CD86: variants seen among roughly 807,000 people sequenced by gnomAD.
CD86 encodes CD86 molecule.
CD86 carries 11 observed loss-of-function variants against 32.1 expected under a neutral mutation model. That is an observed-to-expected ratio of 0.34 (90% CI 0.22 to 0.57). CD86 has a LOEUF of 0.57. Among genes scored for constraint, CD86 ranks in the 20% least tolerant of loss-of-function variants. The pLI is 0.86. For synonymous variants in CD86, 137 were observed against 135.3 expected (o/e 1.01, Z -0.09); for missense variants, 359 against 398.4 (o/e 0.90, Z 0.84).
intron 6 of CD86, among the ~76,000 whole-genome samples, chr3:122,118,631 T>C (rs1316823333): frequency 1.3e-5 from 2 of 152,200 alleles, no homozygotes; most frequent in Non-Finnish European, 2.9e-5. Flanking sequence ...GTCATGTGGA[T>C]CCCTTGGCTT....
chr3:122,100,369 C>A (rs1475890599), intron 2 of CD86, among the ~76,000 whole-genome samples: 2 of 152,112 alleles, frequency 1.3e-5, no homozygotes, highest in African/African-American at 2.4e-5. Flanking sequence ...TGGGTGAAGC[C>A]AGATTTCACT....
intron 1 of CD86, among the ~76,000 whole-genome samples, chr3:122,084,777 G>C (rs1400166851): frequency 6.6e-6 from 1 of 152,172 alleles, no homozygotes; most frequent in African/African-American, 2.4e-5. Context: ...AATATCCCTT[G>C]TACTGTATTC....
At chr3:122,062,427 C>T (rs573874977) in intron 1 of CD86, among the ~76,000 whole-genome samples, 3 of 152,228 alleles carry the variant, frequency 2.0e-5, no homozygotes, top group African/African-American at 7.2e-5. Flanking sequence ...TTGTTCCAGG[C>T]ACTGTGCTAA....
At chr3:122,060,954 G>C (rs2072324530) in intron 1 of CD86, among the ~76,000 whole-genome samples, 1 of 152,132 alleles carries the variant, frequency 6.6e-6, no homozygotes, top group Non-Finnish European at 1.5e-5. Flanking sequence ...TTAGAGTTTG[G>C]AATAGAGAAG....
chr3:122,074,034 A>C (rs1425088259), intron 1 of CD86, among the ~76,000 whole-genome samples: 1 of 152,186 alleles, frequency 6.6e-6, no homozygotes, highest in Admixed American at 6.5e-5. Flanking sequence ...TCAAGTCCCT[A>C]GTCTGTCCTG....
intron 1 of CD86, among the ~76,000 whole-genome samples, chr3:122,073,523 T>C (rs1001455022): frequency 1.3e-5 from 2 of 152,058 alleles, no homozygotes; most frequent in Non-Finnish European, 2.9e-5. Flanking sequence ...GGAGGAAGGG[T>C]TTTAAAAATA....
rs1490524553 is a variant in CD86 at position 122,119,364 on chromosome 3, C to CT, written c.894-73dup. ...TTCCAATGGCAACCTCTATTCTGCCCTATCATTGAAATCTAGAAAAAGAAA... is the reference window on the plus strand; with the variant it reads ...TTCCAATGGCAACCTCTATTCTGCCCTTATCATTGAAATCTAGAAAAAGAAA... On this transcript the variant is annotated intron_variant, in intron 6 of 6. Transcript: ENST00000330540. The CT allele has an allele frequency of 1.5e-5, 13 of 839,064 alleles. No individual in the cohort carries two copies. In the East Asian group the frequency reaches 3.2e-4, roughly 21 times the overall value. The allele number at this position is 839,064 out of a possible 1,614,324, so 52.0% of individuals were successfully genotyped here.
chr3:122,091,606 T>A lies in CD86; in HGVS notation c.20T>A (p.Met7Lys). 6.2e-7 allele frequency: 1 copy of A among 1,611,466 alleles called. No individual in the cohort carries two copies. The highest frequency in any genetic ancestry group is 8.5e-7 in the Non-Finnish European group (1 of 1,177,754). The change falls in exon 2 of 7, where the codon ATG becomes AAG. Residue 7 changes from methionine to lysine, a missense_variant. By Grantham distance (95) the Met-to-Lys change is moderately conservative. Coordinates refer to ENST00000330540, the MANE Select transcript of CD86 (RefSeq NM_175862.5). Reference sequence around the variant, plus strand: ...TTTTTTTTTCTCGACTCTAGCACTATGGGACTGAGTAACATTCTCTTTGTG... The same window carrying A: ...TTTTTTTTTCTCGACTCTAGCACTAAGGGACTGAGTAACATTCTCTTTGTG... MDPQCT[M>K]GLSNILFVMA...
intron 1 of CD86, among the ~76,000 whole-genome samples, chr3:122,085,612 A>G (rs2072703785): frequency 2.0e-5 from 3 of 151,996 alleles, no homozygotes; most frequent in Admixed American, 2.0e-4. Flanking sequence ...AACTAAGAAG[A>G]GGTATCTTTG....
chr3:122,115,892 T>A (rs2073243176), intron 5 of CD86, among the ~76,000 whole-genome samples: 1 of 151,976 alleles, frequency 6.6e-6, no homozygotes, highest in Non-Finnish European at 1.5e-5. Flanking sequence ...CAAAAATAGA[T>A]TCACACTGTT....
At chr3:122,090,653 A>T (rs2072801477) in intron 1 of CD86, among the ~76,000 whole-genome samples, 2 of 152,204 alleles carry the variant, frequency 1.3e-5, no homozygotes, top group African/African-American at 4.8e-5. Flanking sequence ...AATGTGCCTG[A>T]TCGCATCTAA....
In CD86 at chr3:122,070,265, A is replaced by G. The variant is rs556698231; in HGVS notation, c.14+14762A>G. Among the ~76,000 whole-genome samples the G allele has an allele frequency of 8.5e-5, 13 of 152,286 alleles. No individual in the cohort carries two copies. In the South Asian group the frequency reaches 2.7e-3, roughly 32 times the overall value. On this transcript the variant is annotated intron_variant, in intron 1 of 6. Coordinates refer to ENST00000330540, the MANE Select transcript of CD86 (RefSeq NM_175862.5). ...TCAGAAATTGATCGAATGCAAGAAA[A>G]CAATACACATTGCCTCTTCCTTAGC...
At chr3:122,070,890 G>A (rs550804655) in intron 1 of CD86, among the ~76,000 whole-genome samples, 10 of 152,192 alleles carry the variant, frequency 6.6e-5, no homozygotes, top group Admixed American at 1.3e-4. Context: ...CCTCTAAAAT[G>A]TCACATTATT....
At chr3:122,078,471 T>G (rs2072585408) in intron 1 of CD86, among the ~76,000 whole-genome samples, 1 of 152,166 alleles carries the variant, frequency 6.6e-6, no homozygotes, top group South Asian at 2.1e-4. Flanking sequence ...TTCCTCCTCT[T>G]GCAGCCTCTC....
At chr3:122,103,303 C>G (rs2073039014) in intron 2 of CD86, among the ~76,000 whole-genome samples, 1 of 152,134 alleles carries the variant, frequency 6.6e-6, no homozygotes, top group Non-Finnish European at 1.5e-5. Context: ...GCAGTTTGTA[C>G]AAGGCCACAC....
rs747409361 is a variant in CD86 at position 122,106,392 on chromosome 3, G to A, written c.595G>A (p.Val199Ile). The change falls in exon 4 of 7, where the codon GTT (valine) becomes ATT (isoleucine). Residue 199 changes from valine to isoleucine, a missense_variant. Physicochemically the swap from Val to Ile is conservative, Grantham distance 29. Transcript: ENST00000330540. The part of the protein sequence containing the change: ...SQDNVTELYD[V>I]SISLSVSFPD... ...AGATAATGTCACAGAACTGTACGAC[G>A]TTTCCATCAGCTTGTCTGTTTCATT... 1.5e-5 allele frequency: 25 copies of A among 1,613,868 alleles called. No individual in the cohort carries two copies. The highest frequency in any genetic ancestry group is 6.7e-5 in the Admixed American group (4 of 60,006).
At chr3:122,058,750 A>G (rs1004692899) in intron 1 of CD86, among the ~76,000 whole-genome samples, 1 of 152,086 alleles carries the variant, frequency 6.6e-6, no homozygotes, top group Non-Finnish European at 1.5e-5. Context: ...ACATGATAAA[A>G]TTTACTTTAA....
Position 122,109,351 on chromosome 3 carries a change from T to A in CD86, c.790T>A (p.Cys264Ser). The A allele has an allele frequency of 1.2e-6, 2 of 1,614,156 alleles. No individual in the cohort carries two copies. The highest frequency in any genetic ancestry group is 1.7e-6 in the Non-Finnish European group (2 of 1,179,996). Residue 264 changes from cysteine to serine, a missense_variant, in exon 5 of 7, where the codon TGT (cysteine) becomes AGT (serine). By Grantham distance (112) the Cys-to-Ser change is moderately radical. Transcript: ENST00000330540. ...PTVIICVMVF[C>S]LILWKWKKKK... ...AGTTATTATATGTGTGATGGTTTTCTGTCTAATTCTATGGAAATGGAAGAA... is the reference window on the plus strand; with the variant it reads ...AGTTATTATATGTGTGATGGTTTTCAGTCTAATTCTATGGAAATGGAAGAA...
At chr3:122,057,944 G>C (rs1241682429) in intron 1 of CD86, among the ~76,000 whole-genome samples, 1 of 152,176 alleles carries the variant, frequency 6.6e-6, no homozygotes, top group Non-Finnish European at 1.5e-5. Context: ...AGGCTGCTGG[G>C]GTTTGAATAC....
Sources: allele counts gnomAD v4.1 joint callset (sites outside exome capture counted in the v4.1 genomes callset), GRCh38; gene constraint gnomAD v4.1.1; transcripts MANE v1.5; gene names NCBI Gene and HGNC (gene_info 2026-07-23, HGNC 2026-07-21).